The following DNMT3A variants were observed in gnomAD, a reference collection of about 807,000 sequenced individuals.
The protein encoded by DNMT3A is DNA methyltransferase 3 alpha.
A neutral mutation model predicts 117.6 loss-of-function variants in DNMT3A; 267 were observed. The observed-to-expected ratio is 2.27, with a 90% CI of 2.05 to 2.51. The LOEUF (loss-of-function observed/expected upper bound fraction) is 2.51, where lower values mean the gene tolerates loss of function less well. Among genes scored for constraint, DNMT3A ranks in the 30% most tolerant of loss-of-function variants. The pLI is 0.00. For synonymous variants in DNMT3A, 432 were observed against 474.8 expected, an observed-to-expected ratio of 0.91 and a Z score of 1.17; for missense variants, 1,029 against 1,260.2, an observed-to-expected ratio of 0.82 and a Z score of 2.78.
rs1367583163 is a variant in DNMT3A at position 25,304,120 on chromosome 2, G to C, written c.73-3877C>G. ...TGAGCCCAGGTTGGTTTCCTCATCT[G>C]TCAAGCCAGGGGACTGAATTCGTCC... is the stretch of plus-strand genomic sequence containing the variant. On this transcript the variant is annotated intron_variant, in intron 2 of 22. Transcript: ENST00000321117. This position sits in a 1 kb window ranked among gnomAD's most constrained non-coding sequence, Gnocchi z 4.3. 6.6e-6 allele frequency among the ~76,000 whole-genome samples: 1 copy of C among 152,146 alleles called. No individual in the cohort carries two copies. The highest frequency in any genetic ancestry group is 1.5e-5 in the Non-Finnish European group (1 of 68,020).
rs72810093 is a variant in DNMT3A, at chr2:25,340,346, G to C, written c.-178+1480C>G. On this transcript the variant is annotated intron_variant, in intron 1 of 22. Transcript: ENST00000321117. ...TGCCAGGACGGAGGGGATGAGGAGA[G>C]GGGGAGAAATGGCAGAGGGGCGCTG... Among the ~76,000 whole-genome samples, 1,335 of 152,330 alleles carry C rather than the reference G, an allele frequency of 8.8e-3. 11 individuals are homozygous for C. Among genetic ancestry groups the C allele is most frequent in the Non-Finnish European group, 0.013 (883 of 68,012 alleles).
At chr2:25,242,635 C>A (rs1674217713) in intron 16 of DNMT3A, among the ~76,000 whole-genome samples, 1 of 152,204 alleles carries the variant, frequency 6.6e-6, no homozygotes, top group African/African-American at 2.4e-5. Context: ...ACCCTCTAAC[C>A]AGGGTCCCTG....
At chr2:25,340,527 G>T (rs1345532937) in intron 1 of DNMT3A, among the ~76,000 whole-genome samples, 1 of 152,040 alleles carries the variant, frequency 6.6e-6, no homozygotes, top group African/African-American at 2.4e-5. Context: ...GGGGAGGGAA[G>T]GCAGGGCGGC....
intron 21 of DNMT3A, 125 bp from the exon 22 acceptor site, chr2:25,235,950 G>T: frequency 1.2e-6 from 1 of 867,024 alleles, no homozygotes; most frequent in Non-Finnish European, 1.9e-6. Flanking sequence ...CCAGGGGGCT[G>T]GGTATGGCTC....
In DNMT3A at chr2:25,252,108, C is replaced by G. The variant is rs1675640194; in HGVS notation, c.640-3856G>C. ...CCGGGGAGGCATACTTCACTCTTTT[C>G]AAACCCGGAGGGCTGCGGAGATCCT... On this transcript the variant is annotated intron_variant, in intron 6 of 22. Transcript: ENST00000321117. The surrounding 1 kb of genome is among the most constrained non-coding windows in gnomAD (Gnocchi z 5.5). 1 of 1,516,588 alleles carries G rather than the reference C, an allele frequency of 6.6e-7. No individual in the cohort carries two copies. Among genetic ancestry groups the G allele is most frequent in the African/African-American group, 1.4e-5 (1 of 71,280 alleles). 93.9% of individuals were successfully genotyped at this position (1,516,588 alleles called of 1,614,324 possible).
At chr2:25,295,819 C>T (rs751219114) in intron 3 of DNMT3A, among the ~76,000 whole-genome samples, 8 of 152,324 alleles carry the variant, frequency 5.3e-5, no homozygotes, top group Admixed American at 1.3e-4. Context: ...CCCTGTAAAA[C>T]GCCTTTGTAG....
chr2:25,318,081 C>T (rs976104191), intron 1 of DNMT3A, among the ~76,000 whole-genome samples: 2 of 152,156 alleles, frequency 1.3e-5, no homozygotes, highest in African/African-American at 4.8e-5. Flanking sequence ...GGCTATTCCC[C>T]GATTGGGCTC....
chr2:25,265,063 G>A (rs2030173307), intron 6 of DNMT3A, among the ~76,000 whole-genome samples: 1 of 152,180 alleles, frequency 6.6e-6, no homozygotes, highest in Non-Finnish European at 1.5e-5. Context: ...CGAGAAACCA[G>A]GCCTCCCAAA....
intron 1 of DNMT3A, among the ~76,000 whole-genome samples, chr2:25,334,990 A>G (rs1284529438): frequency 6.6e-6 from 1 of 152,270 alleles, no homozygotes; most frequent in African/African-American, 2.4e-5. Flanking sequence ...AAAGAAAACG[A>G]AAGTGTACAA....
intron 3 of DNMT3A, 69 bp downstream of exon 3, chr2:25,300,070 G>A (rs2033339504): frequency 6.6e-7 from 1 of 1,522,234 alleles, no homozygotes; most frequent in Non-Finnish European, 8.9e-7. Flanking sequence ...ATACATCACT[G>A]CCATCGACAG....
intron 5 of DNMT3A, 48 bp downstream of exon 5, chr2:25,275,452 T>G: frequency 1.3e-6 from 2 of 1,512,434 alleles, no homozygotes; most frequent in Non-Finnish European, 1.8e-6. Flanking sequence ...ACCCGTGTCC[T>G]TCTTCTAGAA....
chr2:25,241,889 C>T (rs17428236), intron 16 of DNMT3A, 182 bp from the exon 17 acceptor site: 9 of 744,272 alleles, frequency 1.2e-5, no homozygotes, highest in Non-Finnish European at 1.9e-5. Context: ...GTAAGGACAT[C>T]GAGGCTCTGT....
At chr2:25,275,413 C>CCCCA in intron 5 of DNMT3A, 87 bp downstream of exon 5, 1 of 1,410,378 alleles carries the variant, frequency 7.1e-7, no homozygotes, top group Non-Finnish European at 9.7e-7. Context: ...AGGAGGGGCC[C>CCCCA]ACCCTCCGCC....
chr2:25,272,401 G>A (rs918035740), intron 6 of DNMT3A, among the ~76,000 whole-genome samples: 6 of 152,308 alleles, frequency 3.9e-5, no homozygotes, highest in African/African-American at 1.4e-4. Context: ...ACTGAGGGCA[G>A]GCCTCCATAC....
chr2:25,271,147 C>A (rs1467635956), intron 6 of DNMT3A, among the ~76,000 whole-genome samples: 1 of 151,568 alleles, frequency 6.6e-6, no homozygotes, highest in Non-Finnish European at 1.5e-5. Context: ...GAGTTCAAGA[C>A]CAGCCTGACC....
intron 1 of DNMT3A, among the ~76,000 whole-genome samples, chr2:25,315,054 G>A (rs1468210228): frequency 1.3e-5 from 2 of 152,188 alleles, no homozygotes; most frequent in Non-Finnish European, 2.9e-5. Context: ...CCAAGCCCCT[G>A]CCTTGAGTGT....
At chr2:25,328,620 C>A in intron 1 of DNMT3A, 1 of 505,106 alleles carries the variant, frequency 2.0e-6, no homozygotes, top group Non-Finnish European at 4.1e-6. Context: ...AACCCCGTTC[C>A]GGGTGACCCT....
intron 3 of DNMT3A, among the ~76,000 whole-genome samples, chr2:25,291,137 A>G (rs1205773528): frequency 6.6e-6 from 1 of 152,162 alleles, no homozygotes; most frequent in African/African-American, 2.4e-5. Flanking sequence ...CACGCCAGTG[A>G]GCCCCTCCAC....
chr2:25,248,370 G>A, intron 6 of DNMT3A, 118 bp from the exon 7 acceptor site: 1 of 1,135,108 alleles, frequency 8.8e-7, no homozygotes, highest in Non-Finnish European at 1.2e-6. Flanking sequence ...GTCAAGGGCT[G>A]GAGAGAGCCA....
Sources: gnomAD v4.1 joint callset for allele counts (sites outside exome capture counted in the v4.1 genomes callset) on GRCh38, gnomAD v4.1.1 for gene constraint, Gnocchi (gnomAD v3.1) non-coding constraint, MANE v1.5 for transcripts, NCBI Gene and HGNC (gene_info 2026-07-23, HGNC 2026-07-21) for gene names.